The following LNX1 variants were observed in gnomAD, a reference collection of about 807,000 sequenced individuals.
The protein encoded by LNX1 is ligand of numb-protein X 1.
A neutral mutation model predicts 68.4 loss-of-function variants in LNX1; 54 were observed. The observed-to-expected ratio is 0.79, with a 90% CI of 0.63 to 0.99. The LOEUF (loss-of-function observed/expected upper bound fraction) is 0.99, where lower values mean the gene tolerates loss of function less well. LNX1 is among the 50% of genes least tolerant of loss of function. The pLI, the probability that LNX1 is intolerant of heterozygous loss-of-function variation, is 0.00. For synonymous variants in LNX1, 336 were observed against 350.0 expected, an observed-to-expected ratio of 0.96 and a Z score of 0.45; for missense variants, 906 against 926.4, an observed-to-expected ratio of 0.98 and a Z score of 0.29.
intron 1 of LNX1, among the ~76,000 whole-genome samples, chr4:53,589,894 A>G (rs1278371390): frequency 6.6e-6 from 1 of 152,224 alleles, no homozygotes; most frequent in Non-Finnish European, 1.5e-5. Context: ...GTACTCAGAC[A>G]TGCTGACATA....
Position 53,496,157 on chromosome 4 carries a change from C to T in LNX1, c.1216G>A (p.Val406Ile). The T allele has an allele frequency of 6.2e-7, 1 of 1,614,142 alleles. No individual in the cohort carries two copies. Among genetic ancestry groups the T allele is most frequent in the South Asian group, 1.1e-5 (1 of 91,070 alleles). ...KLVRKVDEPG[V>I]FIFNVLDGGV... ...CCATCCAGCACATTGAAGATGAAAA[C>T]CCCAGGCTCATCCACCTTGCGCACC... Residue 406 changes from valine to isoleucine, a missense_variant, in exon 6 of 11, where the codon GTT becomes ATT. Physicochemically the swap from Val to Ile is conservative, Grantham distance 29. Transcript: ENST00000263925.
rs1225418036 is a variant in LNX1, at chr4:53,460,265, A to ATTTC, written c.*638_*641dup. ...ATTGTGGAAAAAAAGAGCTTTAGCC[A>ATTTC]TTTCTTACTAAAAACAAAACAAGTT... On this transcript the variant is annotated 3_prime_UTR_variant, in exon 11 of 11. Transcript: ENST00000263925. 7.8e-5 allele frequency: 15 copies of ATTTC among 192,212 alleles called. No individual in the cohort carries two copies. Among genetic ancestry groups the ATTTC allele is most frequent in the East Asian group, 1.7e-4 (2 of 12,092 alleles). The allele number at this position is 192,212 out of a possible 1,614,324, so 11.9% of individuals were successfully genotyped here. A position where few individuals can be genotyped will look rare whatever the true frequency, so the allele number is the denominator to read the frequency against.
intron 6 of LNX1, among the ~76,000 whole-genome samples, chr4:53,484,259 C>T (rs1724139629): frequency 6.6e-6 from 1 of 152,114 alleles, no homozygotes; most frequent in South Asian, 2.1e-4. Context: ...ATTCCCAGAG[C>T]ACACAACTCA....
intron 2 of LNX1, among the ~76,000 whole-genome samples, chr4:53,550,324 G>C (rs548568640): frequency 2.0e-5 from 3 of 152,152 alleles, no homozygotes; most frequent in Non-Finnish European, 4.4e-5. Flanking sequence ...GTTCCTGTTG[G>C]AATATGATTT....
rs1722118594 is a variant in LNX1, at chr4:53,461,637, C to CAGTT, written c.1893-48_1893-45dup. ...AGTGTACATGCATATTTAAGTTTCA[C>CAGTT]AGTTAAGGGAATACTTACTGTGACT... On this transcript the variant is annotated intron_variant, in intron 9 of 10. Transcript: ENST00000263925. 3 of 1,478,410 alleles carry CAGTT rather than the reference C, an allele frequency of 2.0e-6. No homozygotes were observed. In the South Asian group the frequency reaches 3.7e-5, roughly 18 times the overall value. 91.6% of individuals were successfully genotyped at this position (1,478,410 alleles called of 1,614,324 possible).
At chr4:53,596,293 C>A (rs1454942563), upstream of LNX1, among the ~76,000 whole-genome samples, 1 of 152,238 alleles carries the variant, frequency 6.6e-6, no homozygotes, top group East Asian at 1.9e-4. Flanking sequence ...TCTAGGGTAA[C>A]CTGTGGACCT....
Position 53,481,746 on chromosome 4 carries a change from G to T in LNX1, c.1459C>A (p.Pro487Thr), listed in dbSNP as rs1160849401. The stretch of plus-strand genomic sequence containing the variant: ...TTGGGAGTGTTGCTCCTCTCCCCTG[G>T]CCCTGGGGACCAGCTGCCATTGCTG... ...WNSNGSWSPG[P>T]GERSNTPKPL... Residue 487 changes from proline to threonine, a missense_variant, in exon 7 of 11, where the codon CCA (proline) becomes ACA (threonine). Physicochemically the swap from Pro to Thr is conservative, Grantham distance 38. Transcript: ENST00000263925. The T allele has an allele frequency of 6.2e-7, 1 of 1,613,626 alleles. No individual in the cohort carries two copies. Among genetic ancestry groups the T allele is most frequent in the Admixed American group, 1.7e-5 (1 of 59,958 alleles).
intron 2 of LNX1, among the ~76,000 whole-genome samples, chr4:53,543,984 GGT>G (rs1276403345): frequency 6.6e-6 from 1 of 152,120 alleles, no homozygotes; most frequent in Non-Finnish European, 1.5e-5. Flanking sequence ...CTCATCTCTG[GGT>G]CTTTTGTAAC....
chr4:53,478,937 T>C (rs1723741881), intron 7 of LNX1, among the ~76,000 whole-genome samples, 195 bp from the exon 8 acceptor site: 1 of 152,184 alleles, frequency 6.6e-6, no homozygotes, highest in Non-Finnish European at 1.5e-5. Context: ...CCTCACCTTA[T>C]CCACTCCCAA....
chr4:53,535,320 G>A (rs1340970722), intron 2 of LNX1, among the ~76,000 whole-genome samples: 9 of 152,018 alleles, frequency 5.9e-5, no homozygotes, highest in African/African-American at 9.7e-5. Context: ...AAATTTTACC[G>A]TAGTCATTAT....
chr4:53,488,014 C>G (rs1560622679), intron 6 of LNX1, among the ~76,000 whole-genome samples: 1 of 152,150 alleles, frequency 6.6e-6, no homozygotes, highest in Admixed American at 6.5e-5. Flanking sequence ...CTCACAAAGC[C>G]CTGGGAAATT....
chr4:53,558,250 C>G, intron 2 of LNX1: 4 of 1,226,744 alleles, frequency 3.3e-6, no homozygotes, highest in Non-Finnish European at 4.1e-6. Context: ...GGAAAGGAAC[C>G]AGCCCCTCCT....
intron 2 of LNX1, among the ~76,000 whole-genome samples, chr4:53,569,721 C>T (rs1730997032): frequency 6.7e-6 from 1 of 148,654 alleles, no homozygotes; most frequent in African/African-American, 2.5e-5. Context: ...TCAGAGTGAA[C>T]AGGCAACCTA....
At chr4:53,469,636 C>T (rs1390242905) in intron 9 of LNX1, among the ~76,000 whole-genome samples, 1 of 152,034 alleles carries the variant, frequency 6.6e-6, no homozygotes, top group Admixed American at 6.5e-5. Context: ...CAAATAGATG[C>T]AATAAAAAAT....
chr4:53,535,951 A>G (rs551653878), intron 2 of LNX1, among the ~76,000 whole-genome samples: 3 of 152,180 alleles, frequency 2.0e-5, no homozygotes, highest in Non-Finnish European at 4.4e-5. Flanking sequence ...AAAGGATTGG[A>G]CTTAGTCAAG....
chr4:53,617,057 G>A (rs17083199), intron 1 of LNX1, among the ~76,000 whole-genome samples: 4,409 of 152,220 alleles, frequency 0.029, 196 homozygotes, highest in African/African-American at 0.098. Flanking sequence ...GCTTGTGCCA[G>A]TTACTATAGA....
chr4:53,593,093 A>T (rs1321589480), upstream of LNX1: 2 of 152,164 alleles, frequency 1.3e-5, no homozygotes, highest in Non-Finnish European at 2.9e-5. Flanking sequence ...CTATTCCTTT[A>T]TTATTTAAAA....
At chr4:53,568,736 A>G (rs1277017188) in intron 2 of LNX1, among the ~76,000 whole-genome samples, 1 of 151,804 alleles carries the variant, frequency 6.6e-6, no homozygotes, top group East Asian at 1.9e-4. Context: ...CTGTTTGCAG[A>G]TGACATGATT....
At chr4:53,646,920 G>A (rs1293528970) in intron 1 of LNX1, among the ~76,000 whole-genome samples, 2 of 152,168 alleles carry the variant, frequency 1.3e-5, no homozygotes, top group Admixed American at 6.5e-5. Context: ...CCCTTTGCCC[G>A]GGAGTTGAAA....
Sources: allele counts gnomAD v4.1 joint callset (sites outside exome capture counted in the v4.1 genomes callset), GRCh38; gene constraint gnomAD v4.1.1; transcripts MANE v1.5; gene names NCBI Gene and HGNC (gene_info 2026-07-23, HGNC 2026-07-21).